CYP7B1: variants seen among roughly 807,000 people sequenced by gnomAD.
CYP7B1 encodes the protein cytochrome P450 family 7 subfamily B member 1.
Under a neutral mutation model 42.7 loss-of-function variants are expected in CYP7B1, and 29 were observed. The ratio of observed to expected loss-of-function variants is 0.68; its 90% CI spans 0.51 to 0.93. CYP7B1 has a LOEUF of 0.93. Ranked by LOEUF, CYP7B1 falls within the 40% of genes least tolerant of loss-of-function variation. The pLI, the probability that CYP7B1 is intolerant of heterozygous loss-of-function variation, is 0.00. For missense variants in CYP7B1, 655 were observed against 600.5 expected (o/e 1.09, Z -0.95); for synonymous variants, 235 against 218.2 (o/e 1.08, Z -0.68).
intron 1 of CYP7B1, among the ~76,000 whole-genome samples, chr8:64,665,454 T>C (rs1308115717): frequency 2.0e-5 from 3 of 151,316 alleles, no homozygotes; most frequent in Admixed American, 2.0e-4. Context: ...TGTCAACACT[T>C]AACGAGCTAC....
At chr8:64,645,581 G>A (rs1215727810) in intron 1 of CYP7B1, among the ~76,000 whole-genome samples, 32 of 152,058 alleles carry the variant, frequency 2.1e-4, no homozygotes, top group African/African-American at 3.6e-4. Context: ...TTTCATGCTC[G>A]TGGGTAGGAA....
intron 1 of CYP7B1, among the ~76,000 whole-genome samples, chr8:64,656,567 C>T (rs1806124020): frequency 6.6e-6 from 1 of 152,182 alleles, no homozygotes; most frequent in African/African-American, 2.4e-5. Flanking sequence ...GCAGGGAAGG[C>T]CTAGCTGCCA....
chr8:64,691,792 A>G (rs1806749327), intron 1 of CYP7B1, among the ~76,000 whole-genome samples: 1 of 152,128 alleles, frequency 6.6e-6, no homozygotes, highest in South Asian at 2.1e-4. Context: ...GAGTTAAGTG[A>G]CTGCCACAGT....
intron 1 of CYP7B1, among the ~76,000 whole-genome samples, chr8:64,675,811 T>C (rs145879203): frequency 2.6e-5 from 4 of 152,260 alleles, no homozygotes; most frequent in African/African-American, 9.6e-5. Context: ...TAAGGGTTCA[T>C]ACATTTTTCC....
chr8:64,749,062 TTTTTA>T (rs770651800), intron 1 of CYP7B1, among the ~76,000 whole-genome samples: 3 of 152,046 alleles, frequency 2.0e-5, no homozygotes, highest in African/African-American at 4.8e-5. Context: ...TTGGTTTTCT[TTTTTA>T]TTTTCTTTTT....
chr8:64,744,046 C>T (rs1807607807), intron 1 of CYP7B1, among the ~76,000 whole-genome samples: 1 of 151,930 alleles, frequency 6.6e-6, no homozygotes. Flanking sequence ...AGAATTTTGG[C>T]CAAATGTTTA....
chr8:64,668,672 TG>T (rs970255452), intron 1 of CYP7B1, among the ~76,000 whole-genome samples: 4 of 150,912 alleles, frequency 2.7e-5, no homozygotes, highest in African/African-American at 7.3e-5. Flanking sequence ...TGTTTTGGTT[TG>T]TTTTTTTTTA....
At chr8:64,755,796 T>C (rs1218563362) in intron 1 of CYP7B1, among the ~76,000 whole-genome samples, 4 of 152,218 alleles carry the variant, frequency 2.6e-5, no homozygotes, top group Non-Finnish European at 5.9e-5. Flanking sequence ...AAGAATAATT[T>C]AGTACAATTT....
intron 1 of CYP7B1, among the ~76,000 whole-genome samples, chr8:64,686,773 G>C (rs565839849): frequency 5.4e-4 from 40 of 74,730 alleles, no homozygotes; most frequent in Non-Finnish European, 8.7e-4. Context: ...TTTTCATTTT[G>C]TTCTGCACTA....
At chr8:64,706,651 T>A (rs1310721922) in intron 1 of CYP7B1, among the ~76,000 whole-genome samples, 1 of 152,014 alleles carries the variant, frequency 6.6e-6, no homozygotes, top group Non-Finnish European at 1.5e-5. Context: ...ATTTCATCCC[T>A]TATTAAAAAT....
At chr8:64,783,361 C>G (rs1181895337) in intron 1 of CYP7B1, among the ~76,000 whole-genome samples, 1 of 152,152 alleles carries the variant, frequency 6.6e-6, no homozygotes, top group Admixed American at 6.5e-5. Flanking sequence ...CAAAACAACT[C>G]ATTATCTACA....
At chr8:64,633,168 A>G (rs1199766226) in intron 1 of CYP7B1, among the ~76,000 whole-genome samples, 2 of 152,022 alleles carry the variant, frequency 1.3e-5, no homozygotes, top group African/African-American at 4.8e-5. Flanking sequence ...GTAGATCCTC[A>G]GTGTCTTCAC....
intron 1 of CYP7B1, among the ~76,000 whole-genome samples, chr8:64,681,852 T>C (rs1280088236): frequency 6.6e-6 from 1 of 152,122 alleles, no homozygotes; most frequent in Non-Finnish European, 1.5e-5. Flanking sequence ...AGATAATAAA[T>C]GTTTGTTGTT....
chr8:64,618,513 G>C (rs1805480059), intron 2 of CYP7B1, among the ~76,000 whole-genome samples: 1 of 151,818 alleles, frequency 6.6e-6, no homozygotes, highest in Admixed American at 6.6e-5. Flanking sequence ...AGTAGAGGCT[G>C]TACACATGTT....
chr8:64,659,324 T>C (rs1806167424), intron 1 of CYP7B1, among the ~76,000 whole-genome samples: 1 of 152,174 alleles, frequency 6.6e-6, no homozygotes, highest in Non-Finnish European at 1.5e-5. Context: ...ATAATTTGCT[T>C]TTCTCATTGT....
intron 3 of CYP7B1, among the ~76,000 whole-genome samples, 185 bp from the exon 4 acceptor site, chr8:64,615,417 T>TG (rs539356121): frequency 8.3e-4 from 77 of 93,098 alleles, no homozygotes; most frequent in South Asian, 3.0e-3. Context: ...GTAATGTGTA[T>TG]GGGGGGGGCG....
chr8:64,704,335 A>AT (rs1436010752), intron 1 of CYP7B1, among the ~76,000 whole-genome samples: 1 of 152,042 alleles, frequency 6.6e-6, no homozygotes, highest in Non-Finnish European at 1.5e-5. Context: ...TAAAGAGGCA[A>AT]TATCTGGTAG....
chr8:64,777,909 A>C (rs189852347), intron 1 of CYP7B1, among the ~76,000 whole-genome samples: 80 of 152,046 alleles, frequency 5.3e-4, no homozygotes, highest in Non-Finnish European at 9.0e-4. Flanking sequence ...AAATTTTCAA[A>C]GACTTTATTT....
At chr8:64,695,163 C>G (rs529696975) in intron 1 of CYP7B1, among the ~76,000 whole-genome samples, 3 of 152,266 alleles carry the variant, frequency 2.0e-5, no homozygotes, top group Non-Finnish European at 4.4e-5. Flanking sequence ...TGAGGTGAAA[C>G]GAGCAGGTGG....
Sources: gnomAD v4.1 joint callset for allele counts (sites outside exome capture counted in the v4.1 genomes callset) on GRCh38, gnomAD v4.1.1 for gene constraint, MANE v1.5 for transcripts, NCBI Gene and HGNC (gene_info 2026-07-23, HGNC 2026-07-21) for gene names.